The following GRIN2B variants were observed in gnomAD, a reference collection of about 807,000 sequenced individuals.
GRIN2B encodes glutamate receptor ionotropic, NMDA 2B.
GRIN2B carries 5 observed loss-of-function variants against 114.5 expected under a neutral mutation model. The observed-to-expected ratio is 0.04, with a 90% confidence interval of 0.02 to 0.09. The LOEUF (loss-of-function observed/expected upper bound fraction) is 0.09. Ranked by LOEUF, GRIN2B falls within the 10% of genes least tolerant of loss-of-function variation. The pLI is 1.00. For missense variants in GRIN2B, 1,108 were observed against 1,943.5 expected (o/e 0.57, Z 8.08); for synonymous variants, 787 against 745.1 (o/e 1.06, Z -0.92).
intron 2 of GRIN2B, among the ~76,000 whole-genome samples, chr12:13,970,599 GA>G (rs762545749): frequency 8.0e-5 from 12 of 150,550 alleles, no homozygotes; most frequent in Non-Finnish European, 1.6e-4. Flanking sequence ...GTCCTCACAG[GA>G]AAATAAAAAA....
At chr12:13,607,044 C>T (rs919820498) in intron 10 of GRIN2B, among the ~76,000 whole-genome samples, 1 of 147,352 alleles carries the variant, frequency 6.8e-6, no homozygotes, top group Admixed American at 7.1e-5. Context: ...CCCATCTCCT[C>T]AGTGTGGGTA....
At chr12:13,728,482 T>C (rs947860142) in intron 4 of GRIN2B, among the ~76,000 whole-genome samples, 2 of 152,146 alleles carry the variant, frequency 1.3e-5, no homozygotes, top group Non-Finnish European at 2.9e-5. Context: ...GTTTTGTAGG[T>C]AATCTGATAC....
intron 4 of GRIN2B, among the ~76,000 whole-genome samples, chr12:13,723,338 A>G (rs1267805163): frequency 1.3e-5 from 2 of 151,812 alleles, no homozygotes; most frequent in African/African-American, 4.8e-5. Flanking sequence ...CACATTTCTT[A>G]AGGCTTCTTA....
chr12:13,912,082 C>A (rs1042386767), intron 2 of GRIN2B, among the ~76,000 whole-genome samples: 10 of 152,100 alleles, frequency 6.6e-5, no homozygotes, highest in African/African-American at 2.4e-4. Context: ...CAGGGAGGAG[C>A]TGCTACCCTG....
chr12:13,808,835 T>C (rs541949256), intron 3 of GRIN2B, among the ~76,000 whole-genome samples: 1 of 151,552 alleles, frequency 6.6e-6, no homozygotes, highest in Non-Finnish European at 1.5e-5. Context: ...GCTCAGGCTA[T>C]CATGAGCCAA....
At chr12:13,745,657 A>G (rs1565521768) in intron 4 of GRIN2B, among the ~76,000 whole-genome samples, 1 of 152,254 alleles carries the variant, frequency 6.6e-6, no homozygotes, top group Non-Finnish European at 1.5e-5. Context: ...CATTAAGAAG[A>G]CATGCATTGA....
chr12:13,617,891 G>T (rs1377616225), intron 5 of GRIN2B, among the ~76,000 whole-genome samples: 3 of 152,168 alleles, frequency 2.0e-5, no homozygotes, highest in African/African-American at 7.2e-5. Context: ...TTGTCCAGTA[G>T]CCTGCATAGC....
At chr12:13,673,863 A>G (rs1950045715) in intron 5 of GRIN2B, among the ~76,000 whole-genome samples, 2 of 152,100 alleles carry the variant, frequency 1.3e-5, no homozygotes, top group African/African-American at 4.8e-5. Flanking sequence ...TGAGCTACCT[A>G]TGAAGCCTCA....
At chr12:13,816,730 T>C (rs1429989619) in intron 3 of GRIN2B, among the ~76,000 whole-genome samples, 2 of 152,210 alleles carry the variant, frequency 1.3e-5, no homozygotes, top group African/African-American at 4.8e-5. Context: ...AAAGTGGGGT[T>C]CTAACAAGAT....
intron 4 of GRIN2B, among the ~76,000 whole-genome samples, chr12:13,691,508 G>T (rs1950214882): frequency 6.6e-6 from 1 of 152,024 alleles, no homozygotes; most frequent in African/African-American, 2.4e-5. Context: ...GGGCATCCTA[G>T]CATAACCTAC....
intron 3 of GRIN2B, among the ~76,000 whole-genome samples, chr12:13,846,887 A>C (rs1456619401): frequency 6.6e-6 from 1 of 152,188 alleles, no homozygotes; most frequent in Admixed American, 6.5e-5. Context: ...TAAAAATAAA[A>C]AACAATTAAG....
chr12:13,919,716 G>A (rs984298967), intron 2 of GRIN2B, among the ~76,000 whole-genome samples: 2 of 152,128 alleles, frequency 1.3e-5, no homozygotes, highest in African/African-American at 4.8e-5. Flanking sequence ...TAAAGCTGTT[G>A]GCCAAGATCT....
chr12:13,832,875 G>T (rs924852923), intron 3 of GRIN2B, among the ~76,000 whole-genome samples: 1 of 151,974 alleles, frequency 6.6e-6, no homozygotes, highest in African/African-American at 2.4e-5. Flanking sequence ...CTTCACAAAG[G>T]TCACTCCAAT....
chr12:13,796,002 A>G (rs1327158087), intron 3 of GRIN2B, among the ~76,000 whole-genome samples: 2 of 151,938 alleles, frequency 1.3e-5, no homozygotes, highest in Non-Finnish European at 2.9e-5. Context: ...TAATGGGTGA[A>G]GCAAACCAAC....
chr12:13,785,927 T>C (rs1414775592), intron 3 of GRIN2B, among the ~76,000 whole-genome samples: 15 of 152,214 alleles, frequency 9.9e-5, no homozygotes. Context: ...AATGTTTTCA[T>C]TTGAACTTTC....
chr12:13,835,111 G>A (rs1376597009), intron 3 of GRIN2B, among the ~76,000 whole-genome samples: 1 of 152,180 alleles, frequency 6.6e-6, no homozygotes, highest in Non-Finnish European at 1.5e-5. Context: ...TTTTATAACA[G>A]ACTGTAATTC....
chr12:13,680,442 G>GTT (rs1950119176), intron 4 of GRIN2B, among the ~76,000 whole-genome samples: 1 of 72,854 alleles, frequency 1.4e-5, no homozygotes, highest in Non-Finnish European at 3.1e-5. Flanking sequence ...AAGGTTGTGT[G>GTT]TGTGTGTGTG....
At chr12:13,666,519 G>A (rs1177019854) in intron 5 of GRIN2B, among the ~76,000 whole-genome samples, 2 of 152,190 alleles carry the variant, frequency 1.3e-5, no homozygotes, top group African/African-American at 4.8e-5. Flanking sequence ...TGCTATGGCT[G>A]CTGTGGGAAA....
At position 13,647,582 on chromosome 12, in the gene GRIN2B, T is replaced by A. The variant is rs1051768380; in HGVS notation, c.1125+28163A>T. On this transcript the variant is annotated intron_variant, in intron 5 of 13. Transcript: ENST00000609686. Reference sequence around the variant, plus strand: ...TTGAAGTAGTCTGTTCCTCTCCCCATGCCCTCCTCCCTGGCCATCGTGTTA... The same window carrying A: ...TTGAAGTAGTCTGTTCCTCTCCCCAAGCCCTCCTCCCTGGCCATCGTGTTA... 2.0e-5 allele frequency among the ~76,000 whole-genome samples: 3 copies of A among 152,076 alleles called. No individual in the cohort carries two copies. The South Asian group carries it at 6.2e-4, about 32-fold the overall frequency.
Sources: allele counts gnomAD v4.1 joint callset (sites outside exome capture counted in the v4.1 genomes callset), GRCh38; gene constraint gnomAD v4.1.1; transcripts MANE v1.5; gene names NCBI Gene and HGNC (gene_info 2026-07-23, HGNC 2026-07-21).